Variants in PCDH15 observed in about 807,000 individuals in gnomAD.
PCDH15 encodes protocadherin-15.
PCDH15 carries 129 observed loss-of-function variants against 178.5 expected under a neutral mutation model. The observed-to-expected ratio is 0.72, with a 90% CI of 0.63 to 0.84. PCDH15 has a LOEUF of 0.84. Among genes scored for constraint, PCDH15 ranks in the 40% least tolerant of loss-of-function variants. PCDH15 has a pLI of 0.00. For missense variants in PCDH15, 2,230 were observed against 2,099.9 expected, an observed-to-expected ratio of 1.06 and a Z score of -1.21; for synonymous variants, 800 against 732.0, an observed-to-expected ratio of 1.09 and a Z score of -1.50.
At chr10:54,809,782 C>CA (rs985861529) in intron 3 of PCDH15, among the ~76,000 whole-genome samples, 38 of 151,160 alleles carry the variant, frequency 2.5e-4, no homozygotes, top group African/African-American at 5.8e-4. Context: ...AGACAAAGAA[C>CA]AAAAAAAAAC....
At chr10:55,259,183 T>C (rs188965062) in intron 1 of PCDH15, among the ~76,000 whole-genome samples, 1 of 152,260 alleles carries the variant, frequency 6.6e-6, no homozygotes, top group African/African-American at 2.4e-5. Context: ...AGTAACAATG[T>C]CAACTAGAAA....
chr10:54,966,217 T>C (rs1316713667), intron 2 of PCDH15, among the ~76,000 whole-genome samples: 1 of 152,026 alleles, frequency 6.6e-6, no homozygotes, highest in East Asian at 1.9e-4. Context: ...GTTTTCAGCA[T>C]GGTAGGGAGA....
intron 3 of PCDH15, among the ~76,000 whole-genome samples, chr10:54,834,738 A>T (rs1046966919): frequency 6.6e-6 from 1 of 152,186 alleles, no homozygotes; most frequent in African/African-American, 2.4e-5. Context: ...TTTAGACAGG[A>T]TTTAATGACC....
intron 3 of PCDH15, among the ~76,000 whole-genome samples, chr10:54,847,935 T>G (rs542938785): frequency 1.3e-5 from 2 of 152,192 alleles, no homozygotes; most frequent in Non-Finnish European, 2.9e-5. Context: ...CCATATACTT[T>G]GTATGATACA....
At chr10:53,876,012 G>A (rs931507996) in intron 26 of PCDH15, among the ~76,000 whole-genome samples, 1 of 152,000 alleles carries the variant, frequency 6.6e-6, no homozygotes, top group African/African-American at 2.4e-5. Flanking sequence ...AACATTTAAC[G>A]GTATTGAAGG....
chr10:54,854,541 A>T (rs1288199321), intron 3 of PCDH15, among the ~76,000 whole-genome samples: 1 of 152,126 alleles, frequency 6.6e-6, no homozygotes, highest in Non-Finnish European at 1.5e-5. Flanking sequence ...TTCTGCAGCC[A>T]GAGTGTCCCA....
At chr10:53,971,405 C>T (rs1479255013) in intron 21 of PCDH15, among the ~76,000 whole-genome samples, 1 of 152,164 alleles carries the variant, frequency 6.6e-6, no homozygotes, top group Non-Finnish European at 1.5e-5. Context: ...TCTCACCACT[C>T]TTATTCAACA....
chr10:54,897,250 G>A (rs1200230942), intron 3 of PCDH15, among the ~76,000 whole-genome samples: 1 of 152,116 alleles, frequency 6.6e-6, no homozygotes, highest in East Asian at 1.9e-4. Context: ...GCAAATAGTG[G>A]ACATCTCTAT....
intron 18 of PCDH15, among the ~76,000 whole-genome samples, chr10:54,045,158 A>C (rs1203343484): frequency 1.3e-5 from 2 of 152,076 alleles, no homozygotes; most frequent in Non-Finnish European, 2.9e-5. Flanking sequence ...CTTGATAAGA[A>C]GACTAGATGG....
intron 2 of PCDH15, among the ~76,000 whole-genome samples, chr10:55,039,905 C>G (rs1177309717): frequency 2.0e-5 from 3 of 151,856 alleles, no homozygotes; most frequent in African/African-American, 7.3e-5. Context: ...CAAGTCTACA[C>G]AAAAGTGACA....
At chr10:53,889,179 A>G (rs2133453339) in intron 26 of PCDH15, among the ~76,000 whole-genome samples, 1 of 152,186 alleles carries the variant, frequency 6.6e-6, no homozygotes, top group South Asian at 2.1e-4. Context: ...CTTTTAAACA[A>G]GACAAAAAGT....
chr10:53,874,455 C>A (rs1589194090), intron 26 of PCDH15, among the ~76,000 whole-genome samples: 3 of 152,206 alleles, frequency 2.0e-5, no homozygotes, highest in African/African-American at 7.2e-5. Flanking sequence ...TTGCCGGCCA[C>A]CAGTTTGCCC....
intron 2 of PCDH15, among the ~76,000 whole-genome samples, chr10:54,612,835 G>A (rs899752379): frequency 1.3e-5 from 2 of 151,690 alleles, no homozygotes; most frequent in Admixed American, 6.6e-5. Context: ...GTTTCTTATC[G>A]TACCTGGTCA....
chr10:55,144,231 G>A (rs922120997), intron 2 of PCDH15, among the ~76,000 whole-genome samples: 7 of 150,844 alleles, frequency 4.6e-5, no homozygotes, highest in Non-Finnish European at 1.0e-4. Flanking sequence ...CAGTGAGTCA[G>A]ATTCTATATG....
At chr10:54,889,527 T>C (rs540744914) in intron 3 of PCDH15, among the ~76,000 whole-genome samples, 1 of 115,250 alleles carries the variant, frequency 8.7e-6, no homozygotes, top group Admixed American at 8.1e-5. Context: ...ATGATCTATA[T>C]ATACAAAATT....
chr10:55,017,340 T>C (rs989277832), intron 2 of PCDH15, among the ~76,000 whole-genome samples: 4 of 152,164 alleles, frequency 2.6e-5, no homozygotes, highest in Non-Finnish European at 4.4e-5. Context: ...GTTTAACTTA[T>C]ATGATAATAC....
At chr10:54,504,845 AT>A (rs1383483248) in intron 3 of PCDH15, among the ~76,000 whole-genome samples, 1 of 152,120 alleles carries the variant, frequency 6.6e-6, no homozygotes, top group East Asian at 1.9e-4. Context: ...TCTGTACATG[AT>A]TTTTGGATTG....
chr10:54,689,420 A>T (rs2095074710), intron 1 of PCDH15, among the ~76,000 whole-genome samples: 1 of 152,154 alleles, frequency 6.6e-6, no homozygotes, highest in African/African-American at 2.4e-5. Context: ...CCAGTCAATT[A>T]TTATCACGGC....
chr10:54,257,398 G>GTCT (rs554954418), intron 8 of PCDH15, among the ~76,000 whole-genome samples: 2,967 of 79,104 alleles, frequency 0.038, 62 homozygotes, highest in South Asian at 0.11. Flanking sequence ...AAAGAGAATT[G>GTCT]TCTTCTTTTT....
Sources: gnomAD v4.1 joint callset for allele counts (sites outside exome capture counted in the v4.1 genomes callset) on GRCh38, gnomAD v4.1.1 for gene constraint, MANE v1.5 for transcripts, NCBI Gene and HGNC (gene_info 2026-07-23, HGNC 2026-07-21) for gene names.